SCUBE3: variants seen among roughly 807,000 people sequenced by gnomAD.
SCUBE3 encodes the protein signal peptide, CUB domain and EGF like domain containing 3.
A neutral mutation model predicts 116.8 loss-of-function variants in SCUBE3; 33 were observed. That is an observed-to-expected ratio of 0.28 (90% CI 0.21 to 0.38). The LOEUF is 0.38. Ranked by LOEUF, SCUBE3 falls within the 10% of genes least tolerant of loss-of-function variation. The pLI is 1.00. For synonymous variants in SCUBE3, 418 were observed against 496.9 expected, an observed-to-expected ratio of 0.84 and a Z score of 2.11; for missense variants, 1,007 against 1,324.8, an observed-to-expected ratio of 0.76 and a Z score of 3.72.
intron 1 of SCUBE3, among the ~76,000 whole-genome samples, chr6:35,215,675 G>A (rs1038065879): frequency 6.6e-6 from 1 of 152,166 alleles, no homozygotes; most frequent in African/African-American, 2.4e-5. Context: ...TGTTGTATTG[G>A]ATGGGCTCCT....
chr6:35,227,314 TA>T (rs1156946660), intron 1 of SCUBE3, among the ~76,000 whole-genome samples: 1 of 152,076 alleles, frequency 6.6e-6, no homozygotes, highest in Non-Finnish European at 1.5e-5. Context: ...TGTTTTCAAA[TA>T]AAAAAAGGAG....
At chr6:35,247,555 C>A (rs528104193) in intron 21 of SCUBE3, among the ~76,000 whole-genome samples, 2 of 151,820 alleles carry the variant, frequency 1.3e-5, no homozygotes, top group Non-Finnish European at 2.9e-5. Flanking sequence ...AAAATAAAAG[C>A]CTTGACAACA....
Position 35,235,112 on chromosome 6 carries a change from C to T in SCUBE3, c.712+1811C>T, listed in dbSNP as rs1168938357. 6.6e-6 allele frequency among the ~76,000 whole-genome samples: 1 copy of T among 152,142 alleles called. No individual in the cohort carries two copies. The highest frequency in any genetic ancestry group is 1.5e-5 in the Non-Finnish European group (1 of 68,024). On this transcript the variant is annotated intron_variant, in intron 6 of 21. Transcript: ENST00000274938. The surrounding 1 kb of genome is among the most constrained non-coding windows in gnomAD (Gnocchi z 4.5). ...TATAGTTTAGCAGAAAGGGCGGCAC[C>T]CTTTGGGATTTGGGATTTTGTGGTT...
Position 35,248,838 on chromosome 6 carries a change from A to C in SCUBE3, c.*133A>C. 1 of 684,968 alleles carries C rather than the reference A, an allele frequency of 1.5e-6. No homozygotes were observed. Among genetic ancestry groups the C allele is most frequent in the Non-Finnish European group, 2.5e-6 (1 of 397,594 alleles). The allele number at this position is 684,968 out of a possible 1,614,324, so 42.4% of individuals were successfully genotyped here. A position where few individuals can be genotyped will look rare whatever the true frequency, so the allele number is the denominator to read the frequency against. On this transcript the variant is annotated 3_prime_UTR_variant, in exon 22 of 22. Coordinates refer to ENST00000274938, the MANE Select transcript of SCUBE3 (RefSeq NM_152753.4). ...GGAAAAAAAAAATATCACTACACAA[A>C]CCAGGCACTCTCCCTTTCTGTCTTT...
In SCUBE3 at chr6:35,243,225, G is replaced by C; in HGVS notation, c.1898G>C (p.Gly633Ala). The C allele has an allele frequency of 6.2e-7, 1 of 1,613,734 alleles. No individual in the cohort carries two copies. The highest frequency in any genetic ancestry group is 8.5e-7 in the Non-Finnish European group (1 of 1,179,906). ...TGTAGGCCCGGGCAGCACCGTGCTG[G>C]GACCAAGTGTGGTAAGGGAGCTTAC... Reference protein sequence around the residue: ...ESCRPGQHRAGTKCVSCPQGT... With the variant: ...ESCRPGQHRAATKCVSCPQGT... The change falls in exon 15 of 22, where the codon GGG becomes GCG. Residue 633 changes from glycine to alanine, a missense_variant. Gly to Ala is a moderately conservative substitution (Grantham distance 60). Transcript: ENST00000274938. The surrounding 1 kb of genome is among the most constrained non-coding windows in gnomAD (Gnocchi z 6.6).
rs1001931687 is a variant in SCUBE3 at position 35,243,767 on chromosome 6, ACAAAC to A, written c.2071+13_2071+17del. The stretch of plus-strand genomic sequence containing the variant: ...CACCACGTGTGCAGGTGCCAGGGGA[ACAAAC>A]AATACAGAGTGGGGTAGGGTGGGCA... On this transcript the variant is annotated intron_variant, in intron 16 of 21. Coordinates refer to ENST00000274938, the MANE Select transcript of SCUBE3 (RefSeq NM_152753.4). This position sits in a 1 kb window ranked among gnomAD's most constrained non-coding sequence, Gnocchi z 6.6. 2 of 1,612,688 alleles carry A rather than the reference ACAAAC, an allele frequency of 1.2e-6. No individual in the cohort carries two copies. The highest frequency in any genetic ancestry group is 1.7e-6 in the Non-Finnish European group (2 of 1,179,024).
intron 12 of SCUBE3, 106 bp from the exon 13 acceptor site, chr6:35,242,098 C>A (rs1327626615): frequency 3.3e-6 from 3 of 915,996 alleles, no homozygotes; most frequent in Non-Finnish European, 5.4e-6. Flanking sequence ...AATCTCACTC[C>A]CCCAGCCAAG....
In SCUBE3 at chr6:35,249,560, A is replaced by G. The variant is rs370616266; in HGVS notation, c.*855A>G. 6 of 152,446 alleles carry G rather than the reference A, an allele frequency of 3.9e-5. No homozygotes were observed. Among genetic ancestry groups the G allele is most frequent in the African/African-American group, 1.4e-4 (6 of 41,596 alleles). The allele number at this position is 152,446 out of a possible 1,614,324, so 9.4% of individuals were successfully genotyped here. On this transcript the variant is annotated 3_prime_UTR_variant, in exon 22 of 22. Coordinates refer to ENST00000274938, the MANE Select transcript of SCUBE3 (RefSeq NM_152753.4). ...CTAGACACAGAACAATTGGAAGTCAACTTCAAACACTAATCCCTTTTCTTG... is the reference window on the plus strand; with the variant it reads ...CTAGACACAGAACAATTGGAAGTCAGCTTCAAACACTAATCCCTTTTCTTG...
At chr6:35,238,585 T>C (rs1783880174) in intron 7 of SCUBE3, among the ~76,000 whole-genome samples, 1 of 152,234 alleles carries the variant, frequency 6.6e-6, no homozygotes, top group African/African-American at 2.4e-5. Context: ...TTTTCCATAG[T>C]GCTCGCCTCA....
chr6:35,216,671 C>T (rs926608524), intron 1 of SCUBE3, among the ~76,000 whole-genome samples: 1 of 152,242 alleles, frequency 6.6e-6, no homozygotes, highest in African/African-American at 2.4e-5. Context: ...TACCTTCAAA[C>T]ATATCTCCTG....
Position 35,248,651 on chromosome 6 carries a change from C to A in SCUBE3, c.2928C>A (p.Ser976=), listed in dbSNP as rs1326673521. Reference sequence around the variant, plus strand: ...AACACAAGGAGATGCTGCCAAAATCCTTCATCAAGCTGCTCCGCTCCAAAG... The same window carrying A: ...AACACAAGGAGATGCTGCCAAAATCATTCATCAAGCTGCTCCGCTCCAAAG... The part of the protein sequence containing the change: ...TEKHKEMLPK[S]FIKLLRSKVS... Residue 976 remains serine (S), a synonymous_variant, in exon 22 of 22, where the codon TCC becomes TCA. Transcript: ENST00000274938. 1.9e-6 allele frequency: 3 copies of A among 1,613,976 alleles called. No homozygotes were observed. The highest frequency in any genetic ancestry group is 2.2e-5 in the South Asian group (2 of 91,072).
At position 35,245,618 on chromosome 6, in the gene SCUBE3, C is replaced by T. The variant is rs982824117; in HGVS notation, c.2599+193C>T. ...GCAATGACACATGTTTGGTAGAAAACAGAGTTAAGAAAGCTAGCAGTGGGG... is the reference window on the plus strand; with the variant it reads ...GCAATGACACATGTTTGGTAGAAAATAGAGTTAAGAAAGCTAGCAGTGGGG... On this transcript the variant is annotated intron_variant, in intron 19 of 21. Coordinates refer to ENST00000274938, the MANE Select transcript of SCUBE3 (RefSeq NM_152753.4). The surrounding 1 kb of genome is among the most constrained non-coding windows in gnomAD (Gnocchi z 4.2). 3.3e-5 allele frequency among the ~76,000 whole-genome samples: 5 copies of T among 152,188 alleles called. No individual in the cohort carries two copies. The highest frequency in any genetic ancestry group is 3.3e-4 in the Admixed American group (5 of 15,286).
chr6:35,231,697 G>C lies in SCUBE3; in HGVS notation c.335-28G>C. 4 of 1,585,648 alleles carry C rather than the reference G, an allele frequency of 2.5e-6. No homozygotes were observed. The highest frequency in any genetic ancestry group is 3.5e-6 in the Non-Finnish European group (4 of 1,158,768). On this transcript the variant is annotated intron_variant, in intron 3 of 21. Transcript: ENST00000274938. The surrounding 1 kb of genome is among the most constrained non-coding windows in gnomAD (Gnocchi z 4.2). ...ACCCTGGACCCTGCCTGTACCCCAT[G>C]ACCCCACTGACTACCTATCCTGCAC...
intron 1 of SCUBE3, chr6:35,223,679 G>A (rs1284602657): frequency 6.6e-6 from 1 of 152,200 alleles, no homozygotes; most frequent in Non-Finnish European, 1.5e-5. Context: ...AGCATCAACT[G>A]GTTTTCCAGC....
At chr6:35,248,214 C>G (rs1267726383) in intron 21 of SCUBE3, among the ~76,000 whole-genome samples, 1 of 152,180 alleles carries the variant, frequency 6.6e-6, no homozygotes, top group Non-Finnish European at 1.5e-5. Context: ...TACAGTACTC[C>G]AAGTCAGAGA....
rs1783619587 is a variant in SCUBE3 at position 35,233,170 on chromosome 6, C to T, written c.596-15C>T. The T allele has an allele frequency of 1.3e-6, 2 of 1,589,370 alleles. No homozygotes were observed. Among genetic ancestry groups the T allele is most frequent in the African/African-American group, 1.3e-5 (1 of 74,466 alleles). On this transcript the variant is annotated splice_polypyrimidine_tract_variant and intron_variant, in intron 5 of 21. Coordinates refer to ENST00000274938, the MANE Select transcript of SCUBE3 (RefSeq NM_152753.4). The surrounding 1 kb of genome is among the most constrained non-coding windows in gnomAD (Gnocchi z 5.7). ...GAGGAGCAAGCTGACAGGGCCCTGT[C>T]CTCTCTGTGCACAGTGACATGCAAC...
Position 35,248,361 on chromosome 6 carries a change from G to A in SCUBE3, c.2833-195G>A, listed in dbSNP as rs545965809. On this transcript the variant is annotated intron_variant, in intron 21 of 21. Coordinates refer to ENST00000274938, the MANE Select transcript of SCUBE3 (RefSeq NM_152753.4). ...AAGGATTGGGGCCTAAGCAACAGAA[G>A]GATGGAGCTGCCACTGATTCAGTTG... is the stretch of plus-strand genomic sequence containing the variant. Among the ~76,000 whole-genome samples the A allele has an allele frequency of 9.2e-4, 140 of 152,292 alleles. 1 individual carries two copies. The highest frequency in any genetic ancestry group is 1.5e-3 in the Non-Finnish European group (102 of 68,024).
In SCUBE3 at chr6:35,233,175, CTG is replaced by C; in HGVS notation, c.596-7_596-6del. 1 of 1,599,500 alleles carries C rather than the reference CTG, an allele frequency of 6.3e-7. No homozygotes were observed. Among genetic ancestry groups the C allele is most frequent in the Non-Finnish European group, 8.6e-7 (1 of 1,166,936 alleles). ...GCAAGCTGACAGGGCCCTGTCCTCT[CTG>C]TGCACAGTGACATGCAACTATGGTA... On this transcript the variant is annotated splice_polypyrimidine_tract_variant and splice_region_variant and intron_variant, in intron 5 of 21. Transcript: ENST00000274938. This position sits in a 1 kb window ranked among gnomAD's most constrained non-coding sequence, Gnocchi z 5.7.
chr6:35,247,564 C>T (rs546172779), intron 21 of SCUBE3, among the ~76,000 whole-genome samples: 2 of 151,888 alleles, frequency 1.3e-5, no homozygotes, highest in Non-Finnish European at 2.9e-5. Flanking sequence ...GCCTTGACAA[C>T]AAAAATCACC....
Sources: gnomAD v4.1 joint callset for allele counts (sites outside exome capture counted in the v4.1 genomes callset) on GRCh38, gnomAD v4.1.1 for gene constraint, Gnocchi (gnomAD v3.1) non-coding constraint, MANE v1.5 for transcripts, NCBI Gene and HGNC (gene_info 2026-07-23, HGNC 2026-07-21) for gene names.